Variants in ESRRB observed in about 807,000 individuals in gnomAD.
ESRRB encodes the protein steroid hormone receptor ERR2.
Under a neutral mutation model 46.0 loss-of-function variants are expected in ESRRB, and 16 were observed. That is an observed-to-expected ratio of 0.35 (90% confidence interval 0.24 to 0.53). ESRRB has a LOEUF of 0.53. Among genes scored for constraint, ESRRB ranks in the 20% least tolerant of loss-of-function variants. The probability of loss-of-function intolerance (pLI) is 0.93; values close to 1 mark genes in which losing one functional copy is unlikely to be tolerated. For synonymous variants in ESRRB, 246 were observed against 259.6 expected, an observed-to-expected ratio of 0.95 and a Z score of 0.50; for missense variants, 488 against 607.4, an observed-to-expected ratio of 0.80 and a Z score of 2.07.
intron 1 of ESRRB, among the ~76,000 whole-genome samples, chr14:76,316,735 G>T (rs1234357663): frequency 6.6e-6 from 1 of 150,664 alleles, no homozygotes; most frequent in Admixed American, 6.6e-5. Flanking sequence ...CTGCTTTCAT[G>T]TTCCTCTGTC....
intron 1 of ESRRB, among the ~76,000 whole-genome samples, chr14:76,317,162 A>AT (rs11440044): frequency 0.42 from 63,137 of 152,020 alleles, 14,095 homozygotes; most frequent in South Asian, 0.52. Flanking sequence ...AAGACAGGGG[A>AT]TAAAAACTCA....
At chr14:76,367,021 C>T (rs60998974), upstream of ESRRB, among the ~76,000 whole-genome samples, 470 of 152,284 alleles carry the variant, frequency 3.1e-3, 2 homozygotes, top group African/African-American at 0.011. Context: ...GATTTGCGGA[C>T]TGGCTGTTTG....
intron 1 of ESRRB, among the ~76,000 whole-genome samples, chr14:76,424,476 G>A (rs1434051222): frequency 1.3e-5 from 2 of 152,216 alleles, no homozygotes; most frequent in Non-Finnish European, 2.9e-5. Flanking sequence ...TGACCAGGGA[G>A]TGGATAGAAG....
chr14:76,355,059 C>T (rs558121358), intron 1 of ESRRB, among the ~76,000 whole-genome samples: 23 of 152,190 alleles, frequency 1.5e-4, no homozygotes, highest in Middle Eastern at 6.8e-3. Flanking sequence ...ATTTGAAATC[C>T]GTGTTTGTTT....
chr14:76,468,048 C>T (rs1889196293), intron 3 of ESRRB, among the ~76,000 whole-genome samples: 1 of 152,130 alleles, frequency 6.6e-6, no homozygotes, highest in Non-Finnish European at 1.5e-5. Flanking sequence ...GTGGAGGGCT[C>T]CTCCGGGGAT....
At chr14:76,326,905 G>A (rs1166159589) in intron 1 of ESRRB, among the ~76,000 whole-genome samples, 2 of 152,244 alleles carry the variant, frequency 1.3e-5, no homozygotes, top group Non-Finnish European at 2.9e-5. Context: ...GGGTGCATAG[G>A]CCACCATCTG....
At chr14:76,451,285 A>T in intron 2 of ESRRB, among the ~76,000 whole-genome samples, 1 of 152,186 alleles carries the variant, frequency 6.6e-6, no homozygotes, top group South Asian at 2.1e-4. Flanking sequence ...TCTCAGCTTC[A>T]CGATTTCTTA....
At chr14:76,339,192 G>T (rs1482600157) in intron 1 of ESRRB, among the ~76,000 whole-genome samples, 1 of 152,134 alleles carries the variant, frequency 6.6e-6, no homozygotes, top group Non-Finnish European at 1.5e-5. Flanking sequence ...GGGTGCAGCT[G>T]CTCTGAGCCT....
intron 2 of ESRRB, among the ~76,000 whole-genome samples, chr14:76,445,576 G>A (rs1888107858): frequency 6.6e-6 from 1 of 151,714 alleles, no homozygotes; most frequent in Non-Finnish European, 1.5e-5. Flanking sequence ...ACTTCCTTCT[G>A]CGCAATCCAA....
chr14:76,371,149 G>A (rs1884616256), upstream of ESRRB, among the ~76,000 whole-genome samples: 1 of 152,178 alleles, frequency 6.6e-6, no homozygotes, highest in East Asian at 1.9e-4. Flanking sequence ...ACGGCTTCAG[G>A]AAAAGCCATC....
intron 1 of ESRRB, among the ~76,000 whole-genome samples, chr14:76,396,048 C>T (rs1457615615): frequency 1.3e-5 from 2 of 152,098 alleles, no homozygotes; most frequent in African/African-American, 2.4e-5. Flanking sequence ...TGGTGCGTGC[C>T]TGTAGTCCCA....
In ESRRB at chr14:76,499,589, A is replaced by G; in HGVS notation, c.*1131A>G. 1.9e-6 allele frequency: 1 copy of G among 529,254 alleles called. No individual in the cohort carries two copies. The highest frequency in any genetic ancestry group is 3.4e-6 in the Non-Finnish European group (1 of 291,122). The allele number at this position is 529,254 out of a possible 1,614,324, so 32.8% of individuals were successfully genotyped here. A position where few individuals can be genotyped will look rare whatever the true frequency, so the allele number is the denominator to read the frequency against. On this transcript the variant is annotated 3_prime_UTR_variant, in exon 7 of 7. Transcript: ENST00000644823. ...CACAGGGCTAGTGTACCAGTGCCAC[A>G]GGAGGGGTGCCCTCCTACCACACTT...
intron 2 of ESRRB, among the ~76,000 whole-genome samples, chr14:76,440,733 C>G (rs1328681159): frequency 1.3e-5 from 2 of 151,734 alleles, no homozygotes; most frequent in African/African-American, 4.8e-5. Context: ...TTCTCTCTCT[C>G]TCTCTCTTTC....
At chr14:76,380,567 T>G (rs778021289) in intron 1 of ESRRB, among the ~76,000 whole-genome samples, 24 of 152,212 alleles carry the variant, frequency 1.6e-4, no homozygotes, top group Non-Finnish European at 2.6e-4. Context: ...TCCATTCTGG[T>G]GTTCCCCAAC....
chr14:76,334,493 A>T (rs1884102990), intron 1 of ESRRB, among the ~76,000 whole-genome samples: 1 of 152,118 alleles, frequency 6.6e-6, no homozygotes, highest in African/African-American at 2.4e-5. Context: ...CATCAGCTGG[A>T]GGGGGAATAT....
chr14:76,436,729 T>TG (rs1410166498), intron 1 of ESRRB, among the ~76,000 whole-genome samples: 2 of 152,042 alleles, frequency 1.3e-5, no homozygotes, highest in Non-Finnish European at 2.9e-5. Context: ...AGAAGGTGTG[T>TG]GGCAGTGCCC....
intron 5 of ESRRB, among the ~76,000 whole-genome samples, chr14:76,487,864 A>G (rs1008064177): frequency 1.3e-4 from 20 of 152,132 alleles, no homozygotes; most frequent in Non-Finnish European, 2.9e-4. Flanking sequence ...TCAGCCCCCA[A>G]AGTTCTGGGA....
intron 6 of ESRRB, among the ~76,000 whole-genome samples, chr14:76,493,979 C>T (rs1442670108): frequency 6.6e-6 from 1 of 152,178 alleles, no homozygotes; most frequent in Non-Finnish European, 1.5e-5. Context: ...AGGCTGAAGC[C>T]GAGGTCCCAT....
intron 1 of ESRRB, among the ~76,000 whole-genome samples, chr14:76,364,689 C>G (rs1174516724): frequency 8.1e-6 from 1 of 123,330 alleles, no homozygotes; most frequent in Non-Finnish European, 1.9e-5. Context: ...GAGATCCTGT[C>G]TCAAAAAAAA....
Sources: gnomAD v4.1 joint callset for allele counts (sites outside exome capture counted in the v4.1 genomes callset) on GRCh38, gnomAD v4.1.1 for gene constraint, MANE v1.5 for transcripts, NCBI Gene and HGNC (gene_info 2026-07-23, HGNC 2026-07-21) for gene names.